DCC: variants seen among roughly 807,000 people sequenced by gnomAD.
DCC encodes the protein DCC netrin 1 receptor.
A neutral mutation model predicts 172.5 loss-of-function variants in DCC; 58 were observed. The observed-to-expected ratio is 0.34, with a 90% confidence interval of 0.27 to 0.42. The LOEUF (loss-of-function observed/expected upper bound fraction) is 0.42, where lower values mean the gene tolerates loss of function less well. Among genes scored for constraint, DCC ranks in the 10% least tolerant of loss-of-function variants. The probability of loss-of-function intolerance (pLI) is 1.00; values close to 1 mark genes in which losing one functional copy is unlikely to be tolerated. For synonymous variants in DCC, 709 were observed against 644.5 expected, an observed-to-expected ratio of 1.10 and a Z score of -1.52; for missense variants, 1,740 against 1,791.0, an observed-to-expected ratio of 0.97 and a Z score of 0.51.
chr18:53,516,503 G>A (rs1387305670), intron 27 of DCC, among the ~76,000 whole-genome samples: 2 of 148,972 alleles, frequency 1.3e-5, no homozygotes, highest in South Asian at 2.1e-4. Flanking sequence ...TACCATCAGA[G>A]TGAACAGGCA....
chr18:53,305,849 G>A, intron 13 of DCC, 130 bp downstream of exon 13: 1 of 851,746 alleles, frequency 1.2e-6, no homozygotes, highest in Non-Finnish European at 2.0e-6. Flanking sequence ...CTATTGGCTG[G>A]AACAAGAACA....
chr18:52,567,836 G>T (rs2033196375), intron 1 of DCC, among the ~76,000 whole-genome samples: 1 of 151,930 alleles, frequency 6.6e-6, no homozygotes, highest in Non-Finnish European at 1.5e-5. Flanking sequence ...AAACAGAGAG[G>T]TGAGGGAATT....
At chr18:52,897,773 C>G (rs1276422013) in intron 2 of DCC, among the ~76,000 whole-genome samples, 1 of 152,098 alleles carries the variant, frequency 6.6e-6, no homozygotes, top group Non-Finnish European at 1.5e-5. Flanking sequence ...TTTGCAATGT[C>G]CACCATAGAG....
At chr18:52,692,983 T>G (rs942806017) in intron 1 of DCC, among the ~76,000 whole-genome samples, 1 of 152,164 alleles carries the variant, frequency 6.6e-6, no homozygotes, top group Admixed American at 6.6e-5. Context: ...CAGGAGAGTT[T>G]GCCACTCCTA....
intron 12 of DCC, among the ~76,000 whole-genome samples, chr18:53,282,950 G>A (rs550081004): frequency 1.0e-3 from 156 of 152,180 alleles, no homozygotes; most frequent in South Asian, 7.3e-3. Flanking sequence ...TTGGTCATTT[G>A]CTTTTCCCAG....
At chr18:53,209,789 T>C (rs2055717634) in intron 11 of DCC, among the ~76,000 whole-genome samples, 1 of 152,204 alleles carries the variant, frequency 6.6e-6, no homozygotes, top group Admixed American at 6.5e-5. Flanking sequence ...TGAAAGTGAA[T>C]GTTTTACATA....
chr18:52,839,226 A>G (rs1470763167), intron 2 of DCC, among the ~76,000 whole-genome samples: 1 of 152,228 alleles, frequency 6.6e-6, no homozygotes, highest in Non-Finnish European at 1.5e-5. Context: ...TTTAATTGAC[A>G]CAGAAGTTTT....
intron 14 of DCC, among the ~76,000 whole-genome samples, chr18:53,329,545 A>C (rs960535881): frequency 2.0e-5 from 3 of 152,074 alleles, no homozygotes; most frequent in African/African-American, 7.2e-5. Flanking sequence ...AAATTTAACA[A>C]GATGTAAACA....
chr18:53,451,199 A>G (rs2045408456), intron 23 of DCC, among the ~76,000 whole-genome samples: 1 of 152,220 alleles, frequency 6.6e-6, no homozygotes, highest in South Asian at 2.1e-4. Context: ...CTGAGATTCA[A>G]AATGGTTTAT....
intron 2 of DCC, among the ~76,000 whole-genome samples, chr18:52,785,470 A>T (rs2037638478): frequency 6.6e-6 from 1 of 151,986 alleles, no homozygotes; most frequent in African/African-American, 2.4e-5. Flanking sequence ...GGTAACCCTA[A>T]CTGCTGTTAG....
rs8096023 is a variant in DCC at position 52,815,393 on chromosome 18, C to T, written c.412+63019C>T. On this transcript the variant is annotated intron_variant, in intron 2 of 28. Coordinates refer to ENST00000442544, the MANE Select transcript of DCC (RefSeq NM_005215.4). ...GAAGAGATAGTAGAGCGCTCACTTG[C>T]GCTTGCCTTCTCACACGTACACACA... is the stretch of plus-strand genomic sequence containing the variant. Among the ~76,000 whole-genome samples, 17 of 143,270 alleles carry T rather than the reference C, an allele frequency of 1.2e-4. 1 individual carries two copies. Among genetic ancestry groups the T allele is most frequent in the Admixed American group, 8.0e-4 (11 of 13,676 alleles). 94.0% of individuals were successfully genotyped at this position (143,270 alleles called of 152,430 possible). A position where few individuals can be genotyped will look rare whatever the true frequency, so the allele number is the denominator to read the frequency against.
chr18:53,296,089 C>T (rs561342235), intron 12 of DCC, among the ~76,000 whole-genome samples: 46 of 152,242 alleles, frequency 3.0e-4, no homozygotes, highest in Middle Eastern at 3.4e-3. Context: ...TCTCAGTGCT[C>T]CTTTCAGTTC....
intron 1 of DCC, among the ~76,000 whole-genome samples, chr18:52,632,429 T>G (rs912279728): frequency 2.0e-5 from 3 of 152,194 alleles, no homozygotes; most frequent in African/African-American, 7.2e-5. Flanking sequence ...AAATTTGACT[T>G]GCATGCGTAA....
intron 5 of DCC, among the ~76,000 whole-genome samples, chr18:53,012,622 T>G (rs370136917): frequency 1.3e-5 from 2 of 152,064 alleles, no homozygotes; most frequent in South Asian, 4.1e-4. Context: ...CATACACATA[T>G]GAATATTAAT....
intron 2 of DCC, among the ~76,000 whole-genome samples, chr18:52,821,349 C>T (rs573448532): frequency 6.6e-6 from 1 of 152,298 alleles, no homozygotes; most frequent in South Asian, 2.1e-4. Flanking sequence ...TCATCATTTG[C>T]TTCACTATAT....
intron 2 of DCC, among the ~76,000 whole-genome samples, chr18:52,885,414 G>A (rs1314296510): frequency 2.0e-5 from 3 of 152,140 alleles, no homozygotes; most frequent in African/African-American, 7.2e-5. Flanking sequence ...CATAGACAGA[G>A]GAGCCTCTCC....
chr18:53,511,562 C>G (rs938141817), intron 27 of DCC, among the ~76,000 whole-genome samples: 6 of 152,198 alleles, frequency 3.9e-5, no homozygotes, highest in Non-Finnish European at 8.8e-5. Flanking sequence ...GTTCATCTCA[C>G]TAGGGAGTGC....
chr18:52,417,760 G>T (rs1253130844), intron 1 of DCC, among the ~76,000 whole-genome samples: 1 of 151,926 alleles, frequency 6.6e-6, no homozygotes, highest in Non-Finnish European at 1.5e-5. Context: ...GGTTATTCTA[G>T]TTATACATTC....
At chr18:52,808,354 C>T (rs987746612) in intron 2 of DCC, among the ~76,000 whole-genome samples, 24 of 151,016 alleles carry the variant, frequency 1.6e-4, no homozygotes, top group African/African-American at 5.8e-4. Flanking sequence ...AGGTGACATA[C>T]CAGTAGACAG....
Sources: gnomAD v4.1 joint callset for allele counts (sites outside exome capture counted in the v4.1 genomes callset) on GRCh38, gnomAD v4.1.1 for gene constraint, MANE v1.5 for transcripts, NCBI Gene and HGNC (gene_info 2026-07-23, HGNC 2026-07-21) for gene names.